ACOXL: variants seen among roughly 807,000 people sequenced by gnomAD.
The protein encoded by ACOXL is acyl-coenzyme A oxidase-like protein.
Under a neutral mutation model 71.9 loss-of-function variants are expected in ACOXL, and 70 were observed. The observed-to-expected ratio is 0.97, with a 90% CI of 0.80 to 1.19. The LOEUF is 1.19. Ranked by LOEUF, ACOXL falls within the 50% of genes most tolerant of loss-of-function variation. The pLI is 0.00. For synonymous variants in ACOXL, 253 were observed against 281.6 expected, an observed-to-expected ratio of 0.90 and a Z score of 1.02; for missense variants, 703 against 736.3, an observed-to-expected ratio of 0.95 and a Z score of 0.52.
intron 9 of ACOXL, among the ~76,000 whole-genome samples, chr2:110,832,764 A>G (rs1445057288): frequency 6.6e-6 from 1 of 152,230 alleles, no homozygotes; most frequent in Non-Finnish European, 1.5e-5. Context: ...AAAATGGGTA[A>G]AAGAGATTAA....
At chr2:110,793,615 T>G in intron 3 of ACOXL, 35 bp from the exon 4 acceptor site, 1 of 1,577,724 alleles carries the variant, frequency 6.3e-7, no homozygotes, top group Non-Finnish European at 8.7e-7. Context: ...TTGCTGACTG[T>G]TGCTAATGAT....
At chr2:110,951,658 G>A (rs571311769) in intron 12 of ACOXL, among the ~76,000 whole-genome samples, 3 of 152,288 alleles carry the variant, frequency 2.0e-5, no homozygotes, top group African/African-American at 7.2e-5. Context: ...TTGTGCATGT[G>A]TGCATTTATT....
chr2:111,081,318 C>G (rs1261552581), intron 16 of ACOXL, among the ~76,000 whole-genome samples: 1 of 152,202 alleles, frequency 6.6e-6, no homozygotes, highest in Non-Finnish European at 1.5e-5. Context: ...GCAACTTCAG[C>G]AAAGTCTCAG....
intron 1 of ACOXL, among the ~76,000 whole-genome samples, chr2:110,750,344 C>T (rs1408654738): frequency 2.6e-5 from 4 of 152,076 alleles, no homozygotes; most frequent in Non-Finnish European, 5.9e-5. Context: ...TCTAACAGCA[C>T]ATTTTTGTTG....
At chr2:110,916,503 A>G (rs1470103586) in intron 11 of ACOXL, among the ~76,000 whole-genome samples, 1 of 152,196 alleles carries the variant, frequency 6.6e-6, no homozygotes, top group Non-Finnish European at 1.5e-5. Context: ...TAAAAGAAGT[A>G]GAGAAGCAAG....
chr2:110,785,852 C>T (rs1559259018), intron 3 of ACOXL, among the ~76,000 whole-genome samples: 1 of 152,142 alleles, frequency 6.6e-6, no homozygotes, highest in Non-Finnish European at 1.5e-5. Context: ...AATCTATTCT[C>T]CAAAGTTAGT....
chr2:110,989,975 G>C (rs1244478865), intron 13 of ACOXL, among the ~76,000 whole-genome samples: 1 of 152,070 alleles, frequency 6.6e-6, no homozygotes, highest in Non-Finnish European at 1.5e-5. Flanking sequence ...AGGAAGCGGA[G>C]GTTGCAGTGA....
At chr2:110,857,989 G>A (rs1275927301) in intron 10 of ACOXL, among the ~76,000 whole-genome samples, 3 of 152,198 alleles carry the variant, frequency 2.0e-5, no homozygotes, top group Admixed American at 6.5e-5. Context: ...GCCTCCCAAA[G>A]TGCTGGGATT....
At chr2:110,837,568 A>T (rs1410942010) in intron 9 of ACOXL, among the ~76,000 whole-genome samples, 4 of 152,054 alleles carry the variant, frequency 2.6e-5, no homozygotes, top group African/African-American at 9.7e-5. Context: ...ATGGCAAATT[A>T]TTCTCAGATT....
intron 2 of ACOXL, among the ~76,000 whole-genome samples, chr2:110,782,805 G>C (rs950622137): frequency 5.3e-5 from 8 of 152,176 alleles, no homozygotes; most frequent in African/African-American, 1.9e-4. Context: ...GGGGGGCTGT[G>C]CTTACTCCTG....
At chr2:110,860,442 G>C (rs1238634596) in intron 10 of ACOXL, among the ~76,000 whole-genome samples, 1 of 152,172 alleles carries the variant, frequency 6.6e-6, no homozygotes, top group Non-Finnish European at 1.5e-5. Context: ...TTCTAATCCT[G>C]TGTAGAGACC....
At chr2:110,797,236 G>A (rs1387826356) in intron 5 of ACOXL, among the ~76,000 whole-genome samples, 1 of 152,172 alleles carries the variant, frequency 6.6e-6, no homozygotes, top group Non-Finnish European at 1.5e-5. Flanking sequence ...CAAAACCCCT[G>A]CGTTTTCTTC....
intron 15 of ACOXL, among the ~76,000 whole-genome samples, chr2:111,039,954 C>T (rs3789080): frequency 0.86 from 130,743 of 152,306 alleles, 56,534 homozygotes; most frequent in African/African-American, 0.95. Flanking sequence ...GTAAACCAGC[C>T]TCTTGGTGCA....
At chr2:111,056,302 T>C (rs1290284742) in intron 16 of ACOXL, among the ~76,000 whole-genome samples, 2 of 152,044 alleles carry the variant, frequency 1.3e-5, no homozygotes, top group East Asian at 1.9e-4. Context: ...TCCTATGCCA[T>C]TGAAGCCCGG....
intron 10 of ACOXL, among the ~76,000 whole-genome samples, chr2:110,869,979 C>G (rs920644918): frequency 1.3e-5 from 2 of 152,260 alleles, no homozygotes; most frequent in African/African-American, 4.8e-5. Flanking sequence ...AATGGATTCA[C>G]CGAGCATGTG....
chr2:110,784,040 G>T (rs538183797), intron 2 of ACOXL, among the ~76,000 whole-genome samples: 3 of 152,310 alleles, frequency 2.0e-5, no homozygotes, highest in Admixed American at 1.3e-4. Flanking sequence ...TCAAAGCCTT[G>T]ATATGGTCTA....
chr2:111,092,358 G>A (rs968521226), intron 16 of ACOXL, among the ~76,000 whole-genome samples: 1 of 152,162 alleles, frequency 6.6e-6, no homozygotes, highest in Non-Finnish European at 1.5e-5. Context: ...TCTGTGTGTA[G>A]GTTTCAGAAA....
intron 10 of ACOXL, among the ~76,000 whole-genome samples, chr2:110,851,914 C>T (rs988751165): frequency 6.6e-6 from 1 of 152,174 alleles, no homozygotes; most frequent in Non-Finnish European, 1.5e-5. Context: ...TGAACATAGC[C>T]GGGGTCACTC....
At chr2:111,084,251 T>C (rs2068083131) in intron 16 of ACOXL, among the ~76,000 whole-genome samples, 1 of 135,368 alleles carries the variant, frequency 7.4e-6, no homozygotes, top group South Asian at 2.5e-4. Flanking sequence ...GACACAGATC[T>C]AAGGAATACA....
Sources: gnomAD v4.1 joint callset for allele counts (sites outside exome capture counted in the v4.1 genomes callset) on GRCh38, gnomAD v4.1.1 for gene constraint, MANE v1.5 for transcripts, NCBI Gene and HGNC (gene_info 2026-07-23, HGNC 2026-07-21) for gene names.